Variants in TAFA1 observed in about 807,000 individuals in gnomAD.
The protein encoded by TAFA1 is chemokine-like protein TAFA-1.
Under a neutral mutation model 18.5 loss-of-function variants are expected in TAFA1, and 4 were observed. That is an observed-to-expected ratio of 0.22 (90% CI 0.11 to 0.49). TAFA1 has a LOEUF of 0.49. Among genes scored for constraint, TAFA1 ranks in the 20% least tolerant of loss-of-function variants. The pLI, the probability that TAFA1 is intolerant of heterozygous loss-of-function variation, is 0.98. For missense variants in TAFA1, 147 were observed against 169.0 expected, an observed-to-expected ratio of 0.87 and a Z score of 0.72; for synonymous variants, 56 against 55.2, an observed-to-expected ratio of 1.01 and a Z score of -0.06.
intron 3 of TAFA1, among the ~76,000 whole-genome samples, chr3:68,467,797 T>G (rs2071918091): frequency 6.6e-6 from 1 of 152,164 alleles, no homozygotes; most frequent in Admixed American, 6.5e-5. Flanking sequence ...GCTAAACTGA[T>G]TTAGCAAATT....
intron 2 of TAFA1, among the ~76,000 whole-genome samples, chr3:68,392,725 A>G (rs1161045740): frequency 6.6e-6 from 1 of 152,198 alleles, no homozygotes; most frequent in Non-Finnish European, 1.5e-5. Flanking sequence ...ACTCAACTAC[A>G]TGGAAACTGA....
intron 3 of TAFA1, among the ~76,000 whole-genome samples, chr3:68,438,629 A>G (rs2071308280): frequency 6.6e-6 from 1 of 151,852 alleles, no homozygotes; most frequent in African/African-American, 2.4e-5. Context: ...TCCACTCAGC[A>G]TTGCTCTAGA....
intron 3 of TAFA1, among the ~76,000 whole-genome samples, chr3:68,484,205 T>C (rs1170173583): frequency 2.0e-5 from 3 of 152,242 alleles, no homozygotes; most frequent in Non-Finnish European, 4.4e-5. Context: ...AAATTCAGTG[T>C]ATATTTTAGA....
intron 2 of TAFA1, among the ~76,000 whole-genome samples, chr3:68,253,781 T>A (rs1407648947): frequency 6.6e-6 from 1 of 152,212 alleles, no homozygotes; most frequent in Non-Finnish European, 1.5e-5. Flanking sequence ...GTTTGTCTAA[T>A]GAGTGCAATA....
intron 3 of TAFA1, among the ~76,000 whole-genome samples, chr3:68,501,281 T>C (rs1168426285): frequency 6.6e-6 from 1 of 151,972 alleles, no homozygotes; most frequent in Non-Finnish European, 1.5e-5. Context: ...GAAAATTGAA[T>C]TACTGTATAA....
chr3:68,421,457 C>T (rs1359908913), intron 3 of TAFA1, among the ~76,000 whole-genome samples: 1 of 152,056 alleles, frequency 6.6e-6, no homozygotes, highest in East Asian at 1.9e-4. Context: ...TAAAGTGTGA[C>T]TATAAATTAA....
intron 2 of TAFA1, among the ~76,000 whole-genome samples, chr3:68,139,181 A>G (rs1017299336): frequency 5.3e-5 from 8 of 152,190 alleles, no homozygotes; most frequent in African/African-American, 1.7e-4. Context: ...TATACATAAT[A>G]TTTATTTATG....
At chr3:68,064,720 A>AT (rs75015019) in intron 2 of TAFA1, among the ~76,000 whole-genome samples, 20,470 of 151,106 alleles carry the variant, frequency 0.14, 1,591 homozygotes, top group East Asian at 0.37. Context: ...GTTTTGTGTA[A>AT]TTTTTTTTGC....
intron 2 of TAFA1, among the ~76,000 whole-genome samples, chr3:68,303,691 C>T (rs542672163): frequency 1.2e-4 from 19 of 152,160 alleles, no homozygotes; most frequent in South Asian, 8.3e-4. Flanking sequence ...CCTCGTGATC[C>T]GCCCGCCTTT....
rs368892216 is a variant in TAFA1, at chr3:68,136,711, A to AT, written c.118+129976dup. Among the ~76,000 whole-genome samples, 107 of 151,778 alleles carry AT rather than the reference A, an allele frequency of 7.0e-4. 1 individual carries two copies. The highest frequency in any genetic ancestry group is 1.5e-3 in the African/African-American group (61 of 41,406). On this transcript the variant is annotated intron_variant, in intron 2 of 4. Coordinates refer to ENST00000478136, the MANE Select transcript of TAFA1 (RefSeq NM_213609.4). ...ACAGACACCAGGGAAAGCGCAGAGG[A>AT]TTTTTTTTTCCTTTTGCTTAATTTG... is the stretch of plus-strand genomic sequence containing the variant.
At chr3:68,050,133 C>G (rs2064449090) in intron 2 of TAFA1, among the ~76,000 whole-genome samples, 3 of 152,180 alleles carry the variant, frequency 2.0e-5, no homozygotes, top group South Asian at 4.2e-4. Context: ...AACAAGAATT[C>G]AACTATAAAT....
chr3:68,389,504 T>C (rs754958610), intron 2 of TAFA1, among the ~76,000 whole-genome samples: 8 of 152,214 alleles, frequency 5.3e-5, no homozygotes, highest in Non-Finnish European at 1.2e-4. Context: ...GGTATGTCCA[T>C]TGAAATATTA....
chr3:68,155,684 T>C (rs1316086451), intron 2 of TAFA1, among the ~76,000 whole-genome samples: 2 of 152,096 alleles, frequency 1.3e-5, no homozygotes, highest in Non-Finnish European at 2.9e-5. Flanking sequence ...AATCATTCCA[T>C]CCATAAAGGG....
At chr3:68,387,106 C>A (rs1406284163) in intron 2 of TAFA1, among the ~76,000 whole-genome samples, 1 of 150,514 alleles carries the variant, frequency 6.6e-6, no homozygotes, top group Non-Finnish European at 1.5e-5. Flanking sequence ...AAGGATGGAG[C>A]CCTTAAGCAC....
chr3:68,426,994 C>G (rs2071068671), intron 3 of TAFA1, among the ~76,000 whole-genome samples: 2 of 151,666 alleles, frequency 1.3e-5, no homozygotes, highest in African/African-American at 4.8e-5. Flanking sequence ...ATCTATATAG[C>G]CACTTAAGAG....
intron 2 of TAFA1, among the ~76,000 whole-genome samples, chr3:68,210,549 C>T (rs1473406641): frequency 6.6e-6 from 1 of 152,004 alleles, no homozygotes; most frequent in Non-Finnish European, 1.5e-5. Context: ...TGAAGGGAAT[C>T]TGTTTTGATG....
intron 2 of TAFA1, among the ~76,000 whole-genome samples, chr3:68,124,580 T>C (rs1054663097): frequency 2.6e-5 from 4 of 152,246 alleles, no homozygotes; most frequent in African/African-American, 9.6e-5. Context: ...GGAGAAATAA[T>C]GATAATAGCC....
chr3:68,387,413 AG>A (rs2106697144), intron 2 of TAFA1, among the ~76,000 whole-genome samples: 1 of 152,228 alleles, frequency 6.6e-6, no homozygotes, highest in African/African-American at 2.4e-5. Context: ...CGTGGAGCCT[AG>A]GGTATTTATT....
At chr3:68,051,043 C>G (rs546140495) in intron 2 of TAFA1, among the ~76,000 whole-genome samples, 1 of 152,214 alleles carries the variant, frequency 6.6e-6, no homozygotes, top group South Asian at 2.1e-4. Context: ...TGTATCTCAG[C>G]TTGATGACTT....
Sources: allele counts gnomAD v4.1 joint callset (sites outside exome capture counted in the v4.1 genomes callset), GRCh38; gene constraint gnomAD v4.1.1; transcripts MANE v1.5; gene names NCBI Gene and HGNC (gene_info 2026-07-23, HGNC 2026-07-21).